Variants in SNAP23 observed in about 807,000 individuals in gnomAD.
SNAP23 encodes the protein synaptosomal-associated protein 23.
SNAP23 carries 11 observed loss-of-function variants against 29.0 expected under a neutral mutation model. The ratio of observed to expected loss-of-function variants is 0.38; its 90% CI spans 0.24 to 0.63. The LOEUF (loss-of-function observed/expected upper bound fraction) is 0.63. Ranked by LOEUF, SNAP23 falls within the 20% of genes least tolerant of loss-of-function variation. SNAP23 has a pLI of 0.58. For synonymous variants in SNAP23, 60 were observed against 82.9 expected (o/e 0.72, Z 1.50); for missense variants, 220 against 253.9 (o/e 0.87, Z 0.91).
intron 1 of SNAP23, among the ~76,000 whole-genome samples, chr15:42,506,306 T>C (rs1174575394): frequency 6.6e-6 from 1 of 151,898 alleles, no homozygotes; most frequent in Admixed American, 6.6e-5. Context: ...GTGGGGATCA[T>C]GGCTCACTGC....
upstream of SNAP23, among the ~76,000 whole-genome samples, chr15:42,491,933 T>G (rs1435000917): frequency 7.5e-6 from 1 of 134,170 alleles, no homozygotes; most frequent in African/African-American, 2.8e-5. Context: ...TATTTTGAGA[T>G]GGAGTCTTGC....
chr15:42,520,533 T>C (rs917001379), intron 5 of SNAP23, among the ~76,000 whole-genome samples: 7 of 152,268 alleles, frequency 4.6e-5, no homozygotes, highest in Middle Eastern at 3.4e-3. Flanking sequence ...CTCGCTCTGT[T>C]GCCCAGGCTG....
intron 5 of SNAP23, among the ~76,000 whole-genome samples, chr15:42,527,771 C>T (rs933844206): frequency 1.3e-5 from 2 of 152,068 alleles, no homozygotes; most frequent in Non-Finnish European, 2.9e-5. Context: ...CAGGCGTGAG[C>T]CACTGCACCC....
At chr15:42,515,690 T>C (rs2057391828) in intron 5 of SNAP23, among the ~76,000 whole-genome samples, 1 of 152,220 alleles carries the variant, frequency 6.6e-6, no homozygotes, top group Non-Finnish European at 1.5e-5. Flanking sequence ...TAACAAAATA[T>C]ATATTTTGTG....
At chr15:42,493,899 T>A (rs1298620045), upstream of SNAP23, among the ~76,000 whole-genome samples, 2 of 152,056 alleles carry the variant, frequency 1.3e-5, no homozygotes, top group Non-Finnish European at 2.9e-5. Flanking sequence ...CCTCTCATAA[T>A]TGGGGAAATA....
chr15:42,520,982 T>C (rs1440709617), intron 5 of SNAP23, among the ~76,000 whole-genome samples: 1 of 152,250 alleles, frequency 6.6e-6, no homozygotes, highest in African/African-American at 2.4e-5. Context: ...CAGCTCCGAC[T>C]AATTAAAATG....
At chr15:42,491,811 G>T (rs367605725), upstream of SNAP23, among the ~76,000 whole-genome samples, 1 of 151,816 alleles carries the variant, frequency 6.6e-6, no homozygotes, top group Non-Finnish European at 1.5e-5. Flanking sequence ...CAAACTCCTC[G>T]GCTCAAGTGA....
intron 1 of SNAP23, among the ~76,000 whole-genome samples, chr15:42,500,555 A>AT (rs1489960979): frequency 2.6e-5 from 4 of 151,774 alleles, no homozygotes; most frequent in Non-Finnish European, 5.9e-5. Flanking sequence ...CGCCTGGCTA[A>AT]TTTTTTGTGT....
In SNAP23 at chr15:42,531,678, T is replaced by C. The variant is rs948417963; in HGVS notation, c.*200T>C. On this transcript the variant is annotated 3_prime_UTR_variant, in exon 8 of 8. Coordinates refer to ENST00000249647, the MANE Select transcript of SNAP23 (RefSeq NM_003825.4). ...CTGCTGCTCTGCCTTCCTTCTAGTA[T>C]TTTCTTTCTCAATTCATACGCTTAG... The C allele has an allele frequency of 6.8e-6, 3 of 440,504 alleles. No individual in the cohort carries two copies. Among genetic ancestry groups the C allele is most frequent in the African/African-American group, 2.0e-5 (1 of 49,170 alleles). The allele number at this position is 440,504 out of a possible 1,614,324, so 27.3% of individuals were successfully genotyped here.
At chr15:42,517,913 A>G (rs920625881) in intron 5 of SNAP23, among the ~76,000 whole-genome samples, 3 of 151,892 alleles carry the variant, frequency 2.0e-5, no homozygotes, top group South Asian at 2.1e-4. Flanking sequence ...GGGTCTTGCT[A>G]TGTTGCCCAG....
At chr15:42,524,339 T>G (rs978997616) in intron 5 of SNAP23, among the ~76,000 whole-genome samples, 1 of 152,136 alleles carries the variant, frequency 6.6e-6, no homozygotes, top group African/African-American at 2.4e-5. Context: ...GAGTGCAGCC[T>G]ACTATCTATG....
At chr15:42,520,456 T>G (rs1365091984) in intron 5 of SNAP23, among the ~76,000 whole-genome samples, 1 of 152,212 alleles carries the variant, frequency 6.6e-6, no homozygotes, top group Non-Finnish European at 1.5e-5. Context: ...AGTCTCAGAA[T>G]AGTAAACTGC....
At chr15:42,501,907 T>C (rs2057273803) in intron 1 of SNAP23, among the ~76,000 whole-genome samples, 2 of 152,282 alleles carry the variant, frequency 1.3e-5, no homozygotes, top group Non-Finnish European at 2.9e-5. Flanking sequence ...TTTGAAACCA[T>C]TATGCCTTCA....
upstream of SNAP23, chr15:42,492,698 A>AAAAG (rs1378367273): frequency 2.7e-5 from 4 of 150,866 alleles, no homozygotes; most frequent in Non-Finnish European, 4.4e-5. Flanking sequence ...AAAAAAAAAA[A>AAAAG]AGAGAGAGAA....
chr15:42,516,176 G>T (rs763019109), intron 5 of SNAP23, among the ~76,000 whole-genome samples: 1 of 151,836 alleles, frequency 6.6e-6, no homozygotes, highest in Non-Finnish European at 1.5e-5. Flanking sequence ...GTTTTGTTTT[G>T]TTTTTTTTCT....
Position 42,511,875 on chromosome 15 carries a change from A to G in SNAP23, c.29A>G (p.Gln10Arg), listed in dbSNP as rs781067904. 2 of 1,598,710 alleles carry G rather than the reference A, an allele frequency of 1.3e-6. No homozygotes were observed. Among genetic ancestry groups the G allele is most frequent in the Non-Finnish European group, 1.7e-6 (2 of 1,171,646 alleles). ...GATAATCTGTCATCAGAAGAAATTCAACAGAGAGCTCACCAGATTACTGAT... is the reference window on the plus strand; with the variant it reads ...GATAATCTGTCATCAGAAGAAATTCGACAGAGAGCTCACCAGATTACTGAT... MDNLSSEEI[Q>R]QRAHQITDES... Residue 10 changes from glutamine (Q) to arginine (R), a missense_variant, in exon 2 of 8, where the codon CAA (glutamine) becomes CGA (arginine). Coordinates refer to ENST00000249647, the MANE Select transcript of SNAP23 (RefSeq NM_003825.4).
chr15:42,503,569 C>T (rs1332890190), intron 1 of SNAP23, among the ~76,000 whole-genome samples: 1 of 152,068 alleles, frequency 6.6e-6, no homozygotes, highest in African/African-American at 2.4e-5. Flanking sequence ...GGGGTTTTGC[C>T]GTGTTGGCCA....
intron 5 of SNAP23, among the ~76,000 whole-genome samples, chr15:42,517,175 C>T (rs2141534127): frequency 6.6e-6 from 1 of 152,328 alleles, no homozygotes; most frequent in Admixed American, 6.5e-5. Context: ...CCGCCTCTGC[C>T]TCCCAAAGTG....
chr15:42,494,613 T>C (rs1451670436), upstream of SNAP23, among the ~76,000 whole-genome samples: 1 of 151,708 alleles, frequency 6.6e-6, no homozygotes, highest in Non-Finnish European at 1.5e-5. Context: ...CCTCCCAGGT[T>C]CAAGCGATTC....
Sources: gnomAD v4.1 joint callset for allele counts (sites outside exome capture counted in the v4.1 genomes callset) on GRCh38, gnomAD v4.1.1 for gene constraint, MANE v1.5 for transcripts, NCBI Gene and HGNC (gene_info 2026-07-23, HGNC 2026-07-21) for gene names.